IMMP2L: variants seen among roughly 807,000 people sequenced by gnomAD.
IMMP2L encodes the protein inner mitochondrial membrane peptidase subunit 2.
Under a neutral mutation model 19.3 loss-of-function variants are expected in IMMP2L, and 18 were observed. The observed-to-expected ratio is 0.93, with a 90% CI of 0.64 to 1.38. The LOEUF is 1.38. Ranked by LOEUF, IMMP2L falls within the 40% of genes most tolerant of loss-of-function variation. The pLI is 0.00. For missense variants in IMMP2L, 233 were observed against 218.2 expected (o/e 1.07, Z -0.43); for synonymous variants, 76 against 73.0 (o/e 1.04, Z -0.21).
At chr7:111,368,713 A>G (rs548220541) in intron 3 of IMMP2L, among the ~76,000 whole-genome samples, 4 of 152,022 alleles carry the variant, frequency 2.6e-5, no homozygotes, top group South Asian at 2.1e-4. Flanking sequence ...GAGTAACAAC[A>G]ACGACAAATC....
chr7:111,343,049 C>T (rs1827181092), intron 3 of IMMP2L, among the ~76,000 whole-genome samples: 1 of 152,000 alleles, frequency 6.6e-6, no homozygotes, highest in Non-Finnish European at 1.5e-5. Context: ...TTGATTAAAC[C>T]TAACCAAGCT....
chr7:110,697,234 A>C (rs1272271257), intron 5 of IMMP2L, among the ~76,000 whole-genome samples: 2 of 152,196 alleles, frequency 1.3e-5, no homozygotes, highest in African/African-American at 4.8e-5. Flanking sequence ...ACTAAAATGG[A>C]AGCATGCTGG....
chr7:111,302,706 TG>T (rs1225486697), intron 3 of IMMP2L, among the ~76,000 whole-genome samples: 1 of 152,180 alleles, frequency 6.6e-6, no homozygotes, highest in Non-Finnish European at 1.5e-5. Context: ...TTTTTCTCTT[TG>T]GCTTATCTTA....
intron 3 of IMMP2L, among the ~76,000 whole-genome samples, chr7:111,274,091 G>A (rs1336848019): frequency 1.3e-5 from 2 of 151,862 alleles, no homozygotes; most frequent in South Asian, 4.2e-4. Flanking sequence ...TTCCATCTGG[G>A]TTTTAATTAC....
At chr7:111,235,111 T>C (rs1188664398) in intron 3 of IMMP2L, among the ~76,000 whole-genome samples, 2 of 152,102 alleles carry the variant, frequency 1.3e-5, no homozygotes, top group Non-Finnish European at 2.9e-5. Context: ...TTTTTTCATC[T>C]TTACTTCATC....
intron 3 of IMMP2L, among the ~76,000 whole-genome samples, chr7:111,115,861 G>A (rs1313025311): frequency 6.6e-6 from 1 of 151,934 alleles, no homozygotes; most frequent in South Asian, 2.1e-4. Flanking sequence ...ATTTTTACTA[G>A]AGACTGGGTT....
intron 3 of IMMP2L, among the ~76,000 whole-genome samples, chr7:111,025,207 G>C (rs1826687023): frequency 6.6e-6 from 1 of 152,146 alleles, no homozygotes; most frequent in African/African-American, 2.4e-5. Context: ...CACCAGGCAG[G>C]TGATGTAAAC....
At chr7:111,496,935 CAGAT>C (rs1486211632) in intron 2 of IMMP2L, among the ~76,000 whole-genome samples, 47 of 151,208 alleles carry the variant, frequency 3.1e-4, no homozygotes, top group African/African-American at 1.1e-3. Context: ...GACAGACAGA[CAGAT>C]AAATATCCTA....
chr7:110,877,713 C>T lies in IMMP2L; in HGVS notation c.408+8880G>A, dbSNP rs531561338. Among the ~76,000 whole-genome samples the T allele has an allele frequency of 2.6e-5, 4 of 152,110 alleles. No individual in the cohort carries two copies. In the East Asian group the frequency reaches 7.7e-4, roughly 29 times the overall value. ...TTTTGGTGCCTGTGTTTTTGAGAAA[C>T]CTGCACATCACAAGTTTTACAAAAA... On this transcript the variant is annotated intron_variant, in intron 5 of 5. Transcript: ENST00000405709. This position sits in a 1 kb window ranked among gnomAD's most constrained non-coding sequence, Gnocchi z 4.0.
At chr7:110,917,043 C>T (rs1326139568) in intron 4 of IMMP2L, among the ~76,000 whole-genome samples, 1 of 152,076 alleles carries the variant, frequency 6.6e-6, no homozygotes, top group Non-Finnish European at 1.5e-5. Flanking sequence ...ATGAGATAAT[C>T]CTGGATTATC....
chr7:111,096,959 A>C (rs986219932), intron 3 of IMMP2L: 5 of 151,880 alleles, frequency 3.3e-5, no homozygotes, highest in African/African-American at 1.2e-4. Flanking sequence ...AGTAATATAG[A>C]CCTTAAAATG....
At chr7:111,160,691 TAAC>T (rs1204292849) in intron 3 of IMMP2L, among the ~76,000 whole-genome samples, 1 of 149,754 alleles carries the variant, frequency 6.7e-6, no homozygotes, top group Non-Finnish European at 1.5e-5. Context: ...TTGAAAATAA[TAAC>T]AAAGATATGA....
chr7:111,398,818 C>G (rs1833131841), intron 3 of IMMP2L, among the ~76,000 whole-genome samples: 1 of 151,078 alleles, frequency 6.6e-6, no homozygotes, highest in Non-Finnish European at 1.5e-5. Context: ...AGTAGTTCTT[C>G]TATACACCAA....
At chr7:111,256,453 T>G (rs1377102888) in intron 3 of IMMP2L, among the ~76,000 whole-genome samples, 1 of 152,070 alleles carries the variant, frequency 6.6e-6, no homozygotes, top group Non-Finnish European at 1.5e-5. Flanking sequence ...TTCTTCTAAT[T>G]CAATTTGGAA....
intron 5 of IMMP2L, among the ~76,000 whole-genome samples, chr7:110,814,331 C>T (rs184628622): frequency 6.6e-6 from 1 of 151,508 alleles, no homozygotes; most frequent in East Asian, 2.0e-4. Context: ...ATTTTGGAAC[C>T]TACATAATTT....
intron 3 of IMMP2L, among the ~76,000 whole-genome samples, chr7:111,045,014 A>T (rs1021408595): frequency 6.6e-6 from 1 of 152,230 alleles, no homozygotes; most frequent in Non-Finnish European, 1.5e-5. Context: ...ATAAAGATAG[A>T]AAAGTAATAA....
chr7:110,721,305 T>G (rs1234645406), intron 5 of IMMP2L, among the ~76,000 whole-genome samples: 1 of 152,088 alleles, frequency 6.6e-6, no homozygotes, highest in East Asian at 1.9e-4. Flanking sequence ...AAATAATGCA[T>G]TGCGAAGTGT....
At chr7:111,131,228 A>C (rs1433063455) in intron 3 of IMMP2L, among the ~76,000 whole-genome samples, 1 of 152,058 alleles carries the variant, frequency 6.6e-6, no homozygotes, top group Non-Finnish European at 1.5e-5. Context: ...GCAGTGAAAA[A>C]AAAAATGAAC....
At chr7:111,006,622 C>T (rs1585708949) in intron 3 of IMMP2L, among the ~76,000 whole-genome samples, 1 of 152,220 alleles carries the variant, frequency 6.6e-6, no homozygotes, top group East Asian at 1.9e-4. Flanking sequence ...TCCCAAATTC[C>T]ATAGTCCTTG....
Sources: allele counts gnomAD v4.1 joint callset (sites outside exome capture counted in the v4.1 genomes callset), GRCh38; gene constraint gnomAD v4.1.1; non-coding constraint Gnocchi (gnomAD v3.1); transcripts MANE v1.5; gene names NCBI Gene and HGNC (gene_info 2026-07-23, HGNC 2026-07-21).